The following MET variants were observed in gnomAD, a reference collection of about 807,000 sequenced individuals.
MET encodes the protein hepatocyte growth factor receptor.
In MET, 48 loss-of-function variants were observed where a neutral mutation model predicts 133.1. That is an observed-to-expected ratio of 0.36 (90% CI 0.29 to 0.46). MET has a LOEUF of 0.46. Ranked by LOEUF, MET falls within the 20% of genes least tolerant of loss-of-function variation. The probability of loss-of-function intolerance (pLI) is 1.00; values close to 1 mark genes in which losing one functional copy is unlikely to be tolerated. For synonymous variants in MET, 628 were observed against 616.5 expected, an observed-to-expected ratio of 1.02 and a Z score of -0.28; for missense variants, 1,442 against 1,695.9, an observed-to-expected ratio of 0.85 and a Z score of 2.63.
intron 3 of MET, among the ~76,000 whole-genome samples, chr7:116,733,145 T>C (rs574470929): frequency 2.4e-4 from 36 of 152,154 alleles, no homozygotes; most frequent in African/African-American, 8.2e-4. Context: ...CACAGAGACA[T>C]GCACTCTAAT....
intron 2 of MET, among the ~76,000 whole-genome samples, chr7:116,701,153 T>G (rs1190224150): frequency 6.6e-6 from 1 of 152,226 alleles, no homozygotes; most frequent in East Asian, 1.9e-4. Flanking sequence ...AGATTTATCC[T>G]GCTAGTCAGT....
At chr7:116,717,270 T>C (rs1302133512) in intron 2 of MET, among the ~76,000 whole-genome samples, 2 of 152,172 alleles carry the variant, frequency 1.3e-5, no homozygotes, top group African/African-American at 4.8e-5. Flanking sequence ...TGTCAACATC[T>C]TAGACATCTC....
In MET at chr7:116,755,340, A is replaced by G. The variant is rs200635057; in HGVS notation, c.1702-15A>G. The G allele has an allele frequency of 3.1e-6, 5 of 1,613,636 alleles. No homozygotes were observed. Among genetic ancestry groups the G allele is most frequent in the African/African-American group, 2.7e-5 (2 of 74,888 alleles). On this transcript the variant is annotated splice_polypyrimidine_tract_variant and intron_variant, in intron 5 of 20. Transcript: ENST00000397752. Reference sequence around the variant, plus strand: ...TATATTGGGTTTTTTTAAAAGTTCTATGTTGTCCTTGTAGGTTTTCCCAAA... The same window carrying G: ...TATATTGGGTTTTTTTAAAAGTTCTGTGTTGTCCTTGTAGGTTTTCCCAAA...
At chr7:116,759,590 G>T (rs1176619648) in intron 10 of MET, 100 bp downstream of exon 10, 2 of 1,344,742 alleles carry the variant, frequency 1.5e-6, no homozygotes, top group Admixed American at 2.0e-5. Flanking sequence ...CGCCTTTAAG[G>T]TTTGCTAGTT....
intron 2 of MET, among the ~76,000 whole-genome samples, chr7:116,716,487 A>C (rs1584895687): frequency 7.1e-6 from 1 of 140,604 alleles, no homozygotes; most frequent in Non-Finnish European, 1.6e-5. Flanking sequence ...GAAAGAAAGA[A>C]AGAAAGAAAG....
chr7:116,743,747 C>T (rs1793551187), intron 5 of MET, among the ~76,000 whole-genome samples: 1 of 152,202 alleles, frequency 6.6e-6, no homozygotes, highest in African/African-American at 2.4e-5. Flanking sequence ...CTGGGAGACA[C>T]CTCCCAGCAG....
intron 19 of MET, among the ~76,000 whole-genome samples, chr7:116,784,430 T>C (rs1230625246): frequency 1.3e-5 from 2 of 152,136 alleles, no homozygotes; most frequent in Non-Finnish European, 2.9e-5. Context: ...TTTAATTGGC[T>C]CACAGTTCTG....
At chr7:116,711,279 T>C (rs190008103) in intron 2 of MET, among the ~76,000 whole-genome samples, 123 of 152,358 alleles carry the variant, frequency 8.1e-4, no homozygotes, top group African/African-American at 2.6e-3. Flanking sequence ...AAACCCTCAA[T>C]TGGGATTAAG....
chr7:116,735,499 A>G (rs1206531099), intron 3 of MET, among the ~76,000 whole-genome samples: 1 of 152,120 alleles, frequency 6.6e-6, no homozygotes, highest in Non-Finnish European at 1.5e-5. Context: ...CCGTGCCCCC[A>G]TCGTGGCATG....
chr7:116,740,964 G>T lies in MET; in HGVS notation c.1640G>T (p.Arg547Leu). 6.2e-7 allele frequency: 1 copy of T among 1,613,972 alleles called. No individual in the cohort carries two copies. Among genetic ancestry groups the T allele is most frequent in the African/African-American group, 1.3e-5 (1 of 74,964 alleles). ...GGCTGGTGCCACGACAAATGTGTGC[G>T]ATCGGAGGAATGCCTGAGCGGGACA... is the stretch of plus-strand genomic sequence containing the variant. The part of the protein sequence containing the change: ...QCGWCHDKCV[R>L]SEECLSGTWT... Residue 547 changes from arginine (R) to leucine (L), a missense_variant, in exon 5 of 21, where the codon CGA becomes CTA. Coordinates refer to ENST00000397752, the MANE Select transcript of MET (RefSeq NM_000245.4).
chr7:116,748,316 G>A (rs886924048), intron 5 of MET, among the ~76,000 whole-genome samples: 5 of 152,174 alleles, frequency 3.3e-5, no homozygotes, highest in Non-Finnish European at 5.9e-5. Context: ...TGAATAACCT[G>A]CTCCTGAATG....
At chr7:116,723,784 T>G (rs1017795889) in intron 2 of MET, among the ~76,000 whole-genome samples, 15 of 152,174 alleles carry the variant, frequency 9.9e-5, no homozygotes, top group Non-Finnish European at 2.1e-4. Flanking sequence ...TGCCTCCCAG[T>G]TAGGCTGCTC....
intron 1 of MET, among the ~76,000 whole-genome samples, chr7:116,680,645 T>G (rs1206286841): frequency 6.6e-6 from 1 of 151,894 alleles, no homozygotes; most frequent in African/African-American, 2.4e-5. Flanking sequence ...AAGAGGCAGG[T>G]CAAAATGGTG....
intron 2 of MET, among the ~76,000 whole-genome samples, chr7:116,701,511 G>A (rs1303704009): frequency 6.6e-6 from 1 of 152,034 alleles, no homozygotes; most frequent in African/African-American, 2.4e-5. Context: ...TATGATGCTA[G>A]GAAAATACTT....
rs577346409 is a variant in MET, at chr7:116,720,462, T to C, written c.1201-11206T>C. 3.3e-4 allele frequency among the ~76,000 whole-genome samples: 47 copies of C among 141,456 alleles called. 1 individual carries two copies. In the South Asian group the frequency reaches 0.01, roughly 31 times the overall value. The allele number at this position is 141,456 out of a possible 152,430, so 92.8% of individuals were successfully genotyped here. A position where few individuals can be genotyped will look rare whatever the true frequency, so the allele number is the denominator to read the frequency against. On this transcript the variant is annotated intron_variant, in intron 2 of 20. Coordinates refer to ENST00000397752, the MANE Select transcript of MET (RefSeq NM_000245.4). ...ACAATTTGACTTCCACTTTTCCTAA[T>C]TGAATACCCTTTATTTCCTTCTCCT...
At chr7:116,678,092 T>G (rs916887872) in intron 1 of MET, among the ~76,000 whole-genome samples, 4 of 152,154 alleles carry the variant, frequency 2.6e-5, no homozygotes, top group African/African-American at 9.7e-5. Flanking sequence ...TGGTTTCCAG[T>G]GCCCTTTAAA....
intron 1 of MET, among the ~76,000 whole-genome samples, chr7:116,689,679 C>T (rs372592914): frequency 6.6e-6 from 1 of 150,856 alleles, no homozygotes. Context: ...AGTGATTCTC[C>T]CACCTCAGCT....
intron 5 of MET, 63 bp downstream of exon 5, chr7:116,741,088 TGGTTTGG>T: frequency 6.3e-7 from 1 of 1,575,838 alleles, no homozygotes; most frequent in Non-Finnish European, 8.6e-7. Flanking sequence ...TTTTTTGGTT[TGGTTTGG>T]TTTGTTTTTT....
At chr7:116,745,780 C>G (rs1383724768) in intron 5 of MET, among the ~76,000 whole-genome samples, 1 of 152,188 alleles carries the variant, frequency 6.6e-6, no homozygotes, top group Non-Finnish European at 1.5e-5. Context: ...AAAATTTATT[C>G]AAGATGGATT....
Sources: allele counts gnomAD v4.1 joint callset (sites outside exome capture counted in the v4.1 genomes callset), GRCh38; gene constraint gnomAD v4.1.1; transcripts MANE v1.5; gene names NCBI Gene and HGNC (gene_info 2026-07-23, HGNC 2026-07-21).